Variants in SLC2A3 observed in about 807,000 individuals in gnomAD.
SLC2A3 encodes the protein solute carrier family 2, facilitated glucose transporter member 3.
SLC2A3 carries 21 observed loss-of-function variants against 46.4 expected under a neutral mutation model. The ratio of observed to expected loss-of-function variants is 0.45; its 90% CI spans 0.32 to 0.65. The LOEUF (loss-of-function observed/expected upper bound fraction) is 0.65. Ranked by LOEUF, SLC2A3 falls within the 30% of genes least tolerant of loss-of-function variation. The pLI, the probability that SLC2A3 is intolerant of heterozygous loss-of-function variation, is 0.04. For synonymous variants in SLC2A3, 213 were observed against 239.4 expected (o/e 0.89, Z 1.02); for missense variants, 499 against 623.3 (o/e 0.80, Z 2.12).
intron 6 of SLC2A3, among the ~76,000 whole-genome samples, chr12:7,928,131 G>C (rs1233295938): frequency 1.3e-5 from 2 of 151,510 alleles, no homozygotes; most frequent in African/African-American, 4.9e-5. Flanking sequence ...CAGGCGCAGT[G>C]GCTCACGCCT....
intron 3 of SLC2A3, 102 bp from the exon 4 acceptor site, chr12:7,931,587 CT>C (rs904659520): frequency 0.017 from 19,750 of 1,154,866 alleles, no homozygotes; most frequent in South Asian, 0.019. Context: ...CATATCATCC[CT>C]TTTTTTTTTA....
At chr12:7,932,734 A>G in intron 3 of SLC2A3, 2 of 443,384 alleles carry the variant, frequency 4.5e-6, no homozygotes, top group South Asian at 9.6e-5. Flanking sequence ...AATAATTCTG[A>G]ACTATCCCTA....
chr12:7,925,523 A>AGATAACTTCTGTT (rs1946085974), intron 7 of SLC2A3: 1 of 217,712 alleles, frequency 4.6e-6, no homozygotes, highest in African/African-American at 2.3e-5. Context: ...TGGGGATCAC[A>AGATAACTTCTGTT]GATAACTTCT....
chr12:7,923,159 C>G, intron 8 of SLC2A3, 135 bp from the exon 9 acceptor site: 3 of 872,744 alleles, frequency 3.4e-6, no homozygotes, highest in East Asian at 2.7e-5. Flanking sequence ...AGTCAAAAGG[C>G]TTGGATTTAT....
At chr12:7,923,376 C>T (rs749357324) in intron 8 of SLC2A3, 16 of 190,402 alleles carry the variant, frequency 8.4e-5, no homozygotes, top group Non-Finnish European at 1.4e-4. Context: ...CTGTGGCTCA[C>T]GCCAAGGCAG....
rs936004966 is a variant in SLC2A3 at position 7,922,901 on chromosome 12, G to A, written c.1192C>T (p.Arg398Cys). 7.4e-6 allele frequency: 12 copies of A among 1,614,154 alleles called. No homozygotes were observed. The highest frequency in any genetic ancestry group is 1.0e-5 in the Non-Finnish European group (12 of 1,180,022). Residue 398 changes from arginine to cysteine, a missense_variant, in exon 9 of 10, where the codon CGC becomes TGC. Arg to Cys is a radical substitution (Grantham distance 180). Around this residue, in one of 5 missense-constraint regions of SLC2A3, gnomAD observed 179 missense variants for 205.1 expected, o/e 0.87. Transcript: ENST00000075120. ...CCGGCCACTGCCATCGCAGCTGGGC[G>A]GGGGCCCTGGCTGAAGAGTTCGGCC... ...IVAELFSQGP[R>C]PAAMAVAGCS... is the part of the protein sequence containing the mutation.
At chr12:7,922,027 TTTTTTTTTTTTTGAGAC>T (rs1946042113) in intron 9 of SLC2A3, among the ~76,000 whole-genome samples, 1 of 127,340 alleles carries the variant, frequency 7.9e-6, no homozygotes, top group African/African-American at 3.8e-5. Context: ...TATTTATGAA[TTTTTTTTTTTTTGAGAC>T]GGAATCTCGC....
rs1946185262 is a variant in SLC2A3, at chr12:7,933,842, A to T, written c.76T>A (p.Tyr26Asn). ...VATIGSFQFG[Y>N]NTGVINAPEK... Reference sequence around the variant, plus strand: ...GGAGCATTGATGACCCCAGTGTTGTAGCCAAATTGGAAAGAGCCGATTGTA... The same window carrying T: ...GGAGCATTGATGACCCCAGTGTTGTTGCCAAATTGGAAAGAGCCGATTGTA... Residue 26 changes from tyrosine (Y) to asparagine (N), a missense_variant, in exon 2 of 10, where the codon TAC (tyrosine) becomes AAC (asparagine). Around this residue, in one of 5 missense-constraint regions of SLC2A3, gnomAD observed 248 missense variants for 284.0 expected, o/e 0.87. Transcript: ENST00000075120. The T allele has an allele frequency of 6.2e-7, 1 of 1,614,082 alleles. No individual in the cohort carries two copies.
At chr12:7,932,050 T>G (rs1271366018) in intron 3 of SLC2A3, among the ~76,000 whole-genome samples, 1 of 151,782 alleles carries the variant, frequency 6.6e-6, no homozygotes, top group Non-Finnish European at 1.5e-5. Flanking sequence ...CCGGCTAATT[T>G]TTTGTATTTT....
chr12:7,929,288 G>A (rs1055855783), intron 6 of SLC2A3, among the ~76,000 whole-genome samples: 1 of 151,980 alleles, frequency 6.6e-6, no homozygotes, highest in Non-Finnish European at 1.5e-5. Context: ...GCTGATATTT[G>A]CATGGAATAC....
rs1946051262 is a variant in SLC2A3, at chr12:7,922,760, TAAG to T, written c.1272+58_1272+60del. ...TGCCAGGCCCAGACTACTGTATTAT[TAAG>T]GAGTATCTTCATGTCAGCTTACATA... On this transcript the variant is annotated intron_variant, in intron 9 of 9. Coordinates refer to ENST00000075120, the MANE Select transcript of SLC2A3 (RefSeq NM_006931.3). 79 of 1,605,862 alleles carry T rather than the reference TAAG, an allele frequency of 4.9e-5. No homozygotes were observed. In the South Asian group the frequency reaches 7.9e-4, roughly 16 times the overall value.
intron 7 of SLC2A3, among the ~76,000 whole-genome samples, chr12:7,924,945 A>G (rs1250551419): frequency 4.6e-5 from 7 of 152,216 alleles, no homozygotes; most frequent in Non-Finnish European, 1.0e-4. Context: ...TTTTTGTCCA[A>G]TCACAGGTCA....
intron 3 of SLC2A3, among the ~76,000 whole-genome samples, 168 bp from the exon 4 acceptor site, chr12:7,931,653 G>C (rs895552347): frequency 1.3e-5 from 2 of 151,770 alleles, no homozygotes; most frequent in African/African-American, 4.8e-5. Flanking sequence ...TTGGGAACCA[G>C]GTGTGATGGT....
intron 9 of SLC2A3, among the ~76,000 whole-genome samples, chr12:7,922,026 A>T (rs954958480): frequency 1.9e-4 from 28 of 147,378 alleles, no homozygotes; most frequent in Admixed American, 1.0e-3. Flanking sequence ...CTATTTATGA[A>T]TTTTTTTTTT....
chr12:7,933,151 CAA>C lies in SLC2A3; in HGVS notation c.109-6_109-5del. ...TATTGATAAATTCCTTTATGATCTGCAAAATAAAAGGGTTGGTGGAAGAACAG... is the reference window on the plus strand; with the variant it reads ...TATTGATAAATTCCTTTATGATCTGCAATAAAAGGGTTGGTGGAAGAACAG... On this transcript the variant is annotated splice_polypyrimidine_tract_variant and splice_region_variant and intron_variant, in intron 2 of 9. Transcript: ENST00000075120. 1 of 1,613,494 alleles carries C rather than the reference CAA, an allele frequency of 6.2e-7. No homozygotes were observed. The highest frequency in any genetic ancestry group is 1.3e-5 in the African/African-American group (1 of 74,928).
chr12:7,931,564 T>C, intron 3 of SLC2A3, 79 bp from the exon 4 acceptor site: 1 of 1,574,124 alleles, frequency 6.4e-7, no homozygotes, highest in Non-Finnish European at 8.6e-7. Context: ...ATTATTCTGT[T>C]CTTCTCCAGG....
intron 6 of SLC2A3, among the ~76,000 whole-genome samples, chr12:7,927,507 A>G (rs1164019222): frequency 1.3e-5 from 2 of 152,158 alleles, no homozygotes; most frequent in African/African-American, 4.8e-5. Context: ...TCTGCTAGGT[A>G]AACATGATAC....
chr12:7,922,225 G>C (rs1426368014), intron 9 of SLC2A3, among the ~76,000 whole-genome samples: 1 of 151,866 alleles, frequency 6.6e-6, no homozygotes, highest in Admixed American at 6.6e-5. Flanking sequence ...CACGACACCC[G>C]GCCTAATTTT....
intron 1 of SLC2A3, among the ~76,000 whole-genome samples, chr12:7,934,858 G>GTA: frequency 6.6e-6 from 1 of 152,304 alleles, no homozygotes; most frequent in East Asian, 1.9e-4. Context: ...GGAGGGCCCT[G>GTA]CCAGTGCAAT....
Sources: allele counts gnomAD v4.1 joint callset (sites outside exome capture counted in the v4.1 genomes callset), GRCh38; gene constraint gnomAD v4.1.1; regional missense constraint gnomAD v4.1.1; transcripts MANE v1.5; gene names NCBI Gene and HGNC (gene_info 2026-07-23, HGNC 2026-07-21).